Variants in PBX3 observed in about 807,000 individuals in gnomAD.
The protein encoded by PBX3 is PBX homeobox 3.
Under a neutral mutation model 48.5 loss-of-function variants are expected in PBX3, and 14 were observed. The ratio of observed to expected loss-of-function variants is 0.29; its 90% CI spans 0.19 to 0.45. PBX3 has a LOEUF of 0.45. Ranked by LOEUF, PBX3 falls within the 20% of genes least tolerant of loss-of-function variation. The pLI is 1.00. For missense variants in PBX3, 386 were observed against 546.7 expected (o/e 0.71, Z 2.93); for synonymous variants, 210 against 200.3 (o/e 1.05, Z -0.41).
At chr9:125,824,562 G>C (rs536854308) in intron 2 of PBX3, among the ~76,000 whole-genome samples, 1 of 152,304 alleles carries the variant, frequency 6.6e-6, no homozygotes, top group East Asian at 1.9e-4. Flanking sequence ...AAGGTATATT[G>C]TAAGTCTAGT....
chr9:125,868,940 A>G (rs1002599007), intron 2 of PBX3, among the ~76,000 whole-genome samples: 1 of 152,296 alleles, frequency 6.6e-6, no homozygotes, highest in East Asian at 1.9e-4. Context: ...CAATTAAACA[A>G]TGAAGAAGCA....
intron 2 of PBX3, among the ~76,000 whole-genome samples, chr9:125,845,683 T>C (rs564925913): frequency 2.0e-5 from 3 of 152,210 alleles, no homozygotes; most frequent in Non-Finnish European, 4.4e-5. Context: ...AGCATGTAGC[T>C]GTTGTAGGCA....
At chr9:125,864,491 A>T (rs752177361) in intron 2 of PBX3, among the ~76,000 whole-genome samples, 5 of 152,220 alleles carry the variant, frequency 3.3e-5, no homozygotes, top group Non-Finnish European at 4.4e-5. Context: ...TAATGAAATA[A>T]TTACACAACT....
chr9:125,807,207 C>G (rs1224731790), intron 2 of PBX3, among the ~76,000 whole-genome samples: 1 of 152,056 alleles, frequency 6.6e-6, no homozygotes, highest in Non-Finnish European at 1.5e-5. Flanking sequence ...GCCTGTAGTC[C>G]TAGCTACTTG....
chr9:125,948,776 A>G (rs1328131371), intron 5 of PBX3, among the ~76,000 whole-genome samples: 8 of 152,070 alleles, frequency 5.3e-5, no homozygotes, highest in Admixed American at 3.3e-4. Context: ...TTTAATCTAC[A>G]AACACATTAT....
intron 2 of PBX3, among the ~76,000 whole-genome samples, chr9:125,818,910 ACTGCAGCCTCC>A (rs1172872218): frequency 6.0e-5 from 9 of 151,178 alleles, no homozygotes; most frequent in Admixed American, 1.3e-4. Flanking sequence ...ATCTCGGCTG[ACTGCAGCCTCC>A]GTCTCCCAGG....
chr9:125,949,998 C>T (rs1324767302), intron 5 of PBX3, among the ~76,000 whole-genome samples: 1 of 141,322 alleles, frequency 7.1e-6, no homozygotes, highest in Non-Finnish European at 1.5e-5. Flanking sequence ...AGAGGCTCTC[C>T]ATAGAGCCTA....
At position 125,965,995 on chromosome 9, in the gene PBX3, G is replaced by A. The variant is rs1266259488; in HGVS notation, c.*72G>A. ...TCAGAGCAATAGGAGGAAAAGGAAA[G>A]CGTTTTTGTAGCCCACCATCTACAG... On this transcript the variant is annotated 3_prime_UTR_variant, in exon 9 of 9. Coordinates refer to ENST00000373489, the MANE Select transcript of PBX3 (RefSeq NM_006195.6). 8.7e-7 allele frequency: 1 copy of A among 1,144,636 alleles called. No homozygotes were observed. The highest frequency in any genetic ancestry group is 1.8e-5 in the Admixed American group (1 of 55,150). 70.9% of individuals were successfully genotyped at this position (1,144,636 alleles called of 1,614,324 possible).
intron 2 of PBX3, among the ~76,000 whole-genome samples, chr9:125,810,258 A>G (rs956669217): frequency 6.6e-6 from 1 of 152,082 alleles, no homozygotes; most frequent in African/African-American, 2.4e-5. Flanking sequence ...ATTATGACTC[A>G]TGTTAGGTTA....
chr9:125,896,314 T>G (rs79840143), intron 2 of PBX3, among the ~76,000 whole-genome samples: 3,024 of 152,144 alleles, frequency 0.02, 172 homozygotes, highest in East Asian at 0.17. Flanking sequence ...CCTTGAATTT[T>G]TTTAAGGGAA....
chr9:125,790,293 C>T (rs1310793274), intron 2 of PBX3, among the ~76,000 whole-genome samples: 2 of 151,682 alleles, frequency 1.3e-5, no homozygotes, highest in Admixed American at 6.6e-5. Flanking sequence ...TGCTCTGTCA[C>T]CCAGGCTGGA....
At chr9:125,877,605 C>A (rs1240949810) in intron 2 of PBX3, among the ~76,000 whole-genome samples, 1 of 151,920 alleles carries the variant, frequency 6.6e-6, no homozygotes, top group African/African-American at 2.4e-5. Flanking sequence ...CTTTTTTTAT[C>A]CCCCTTTTCC....
At chr9:125,822,486 G>A (rs190414113) in intron 2 of PBX3, among the ~76,000 whole-genome samples, 2 of 152,128 alleles carry the variant, frequency 1.3e-5, no homozygotes, top group Non-Finnish European at 2.9e-5. Flanking sequence ...GTTTAAAAAC[G>A]TTTCTTCCTT....
Position 125,899,454 on chromosome 9 carries a change from TAGAGAGAGAGAG to T in PBX3, c.275-16209_275-16198del, listed in dbSNP as rs202004098. Among the ~76,000 whole-genome samples the T allele has an allele frequency of 2.5e-3, 257 of 103,750 alleles. 9 individuals are homozygous for T. The highest frequency in any genetic ancestry group is 3.5e-3 in the Non-Finnish European group (180 of 51,038). 68.1% of individuals were successfully genotyped at this position (103,750 alleles called of 152,430 possible). ...ATATATATGTGTGTATATATATATA[TAGAGAGAGAGAG>T]AGAGAGAGAGAGAGAGAGAGAGCTC... On this transcript the variant is annotated intron_variant, in intron 2 of 8. Transcript: ENST00000373489.
chr9:125,811,458 G>T (rs1026572887), intron 2 of PBX3, among the ~76,000 whole-genome samples: 3 of 152,144 alleles, frequency 2.0e-5, no homozygotes, highest in African/African-American at 7.2e-5. Context: ...TCATGATAGT[G>T]AATGGGTTCT....
intron 5 of PBX3, among the ~76,000 whole-genome samples, chr9:125,945,738 A>G (rs1183009416): frequency 6.6e-6 from 1 of 152,234 alleles, no homozygotes; most frequent in Non-Finnish European, 1.5e-5. Flanking sequence ...GGGACATTAA[A>G]GCTTGGCAGC....
intron 2 of PBX3, among the ~76,000 whole-genome samples, chr9:125,772,642 C>G (rs1442491702): frequency 6.6e-6 from 1 of 152,212 alleles, no homozygotes; most frequent in Non-Finnish European, 1.5e-5. Context: ...GCCACTAATT[C>G]GTAGCTTTCA....
intron 2 of PBX3, among the ~76,000 whole-genome samples, chr9:125,903,717 T>G (rs1179624877): frequency 6.6e-6 from 1 of 151,920 alleles, no homozygotes; most frequent in African/African-American, 2.4e-5. Context: ...GGATGTTTTT[T>G]AAATGACCCA....
chr9:125,852,912 T>G (rs544351450), intron 2 of PBX3, among the ~76,000 whole-genome samples: 67 of 152,340 alleles, frequency 4.4e-4, no homozygotes, highest in African/African-American at 1.5e-3. Flanking sequence ...CATACAATAC[T>G]AAGTAGGCCT....
Sources: allele counts gnomAD v4.1 joint callset (sites outside exome capture counted in the v4.1 genomes callset), GRCh38; gene constraint gnomAD v4.1.1; transcripts MANE v1.5; gene names NCBI Gene and HGNC (gene_info 2026-07-23, HGNC 2026-07-21).